Variants in DENND4A observed in about 807,000 individuals in gnomAD.
The protein encoded by DENND4A is DENN domain containing 4A, also known as C-myc promoter-binding protein.
DENND4A carries 70 observed loss-of-function variants against 199.3 expected under a neutral mutation model. That is an observed-to-expected ratio of 0.35 (90% CI 0.29 to 0.43). The LOEUF (loss-of-function observed/expected upper bound fraction) is 0.43, where lower values mean the gene tolerates loss of function less well. DENND4A is among the 20% of genes least tolerant of loss of function. DENND4A has a pLI of 1.00. For synonymous variants in DENND4A, 686 were observed against 766.9 expected, an observed-to-expected ratio of 0.89 and a Z score of 1.74; for missense variants, 1,723 against 2,255.8, an observed-to-expected ratio of 0.76 and a Z score of 4.78.
At chr15:65,685,493 T>C (rs2076744587) in intron 23 of DENND4A, among the ~76,000 whole-genome samples, 1 of 152,236 alleles carries the variant, frequency 6.6e-6, no homozygotes, top group African/African-American at 2.4e-5. Flanking sequence ...TGTATATAAG[T>C]TGAGTGTCTA....
chr15:65,661,818 T>TTCAGTGTATAA lies in DENND4A; in HGVS notation c.*32_*33insTTATACACTGA. 1 of 1,560,536 alleles carries TTCAGTGTATAA rather than the reference T, an allele frequency of 6.4e-7. No homozygotes were observed. The highest frequency in any genetic ancestry group is 8.7e-7 in the Non-Finnish European group (1 of 1,147,198). On this transcript the variant is annotated 3_prime_UTR_variant, in exon 33 of 33. Coordinates refer to ENST00000443035, the MANE Select transcript of DENND4A (RefSeq NM_001320835.1). ...GTTATTTTATACACTGACTATACAA[T>TTCAGTGTATAA]ATACATTGAATGTTTACACATACAA...
chr15:65,788,851 T>C (rs1306245045), intron 1 of DENND4A, among the ~76,000 whole-genome samples: 2 of 106,586 alleles, frequency 1.9e-5, no homozygotes, highest in Non-Finnish European at 3.6e-5. Flanking sequence ...CCAGGACTTG[T>C]CTTAAAAAAA....
Position 65,717,862 on chromosome 15 carries a change from T to C in DENND4A, c.1723A>G (p.Lys575Glu). Residue 575 changes from lysine to glutamate, a missense_variant, in exon 13 of 33, where the codon AAA becomes GAA. This residue lies in a region of DENND4A where 725 missense variants were observed against 952.9 expected (regional missense o/e 0.76). Coordinates refer to ENST00000443035, the MANE Select transcript of DENND4A (RefSeq NM_001320835.1). The part of the protein sequence containing the change: ...AFLFFMASIL[K>E]GYRSYLRPIT... ...GGCCTTAAGTATGATCTGTAACCTT[T>C]TAAAATAGAGGCCATGAAAAACAAA... 6.2e-7 allele frequency: 1 copy of C among 1,604,456 alleles called. No homozygotes were observed. The highest frequency in any genetic ancestry group is 8.5e-7 in the Non-Finnish European group (1 of 1,174,808).
At chr15:65,753,677 T>C (rs1248931381) in intron 3 of DENND4A, among the ~76,000 whole-genome samples, 3 of 152,086 alleles carry the variant, frequency 2.0e-5, no homozygotes, top group Admixed American at 6.6e-5. Flanking sequence ...AATATGTTTC[T>C]GCATTTGCTA....
chr15:65,716,306 A>C (rs1195116785), intron 13 of DENND4A, among the ~76,000 whole-genome samples: 1 of 151,014 alleles, frequency 6.6e-6, no homozygotes, highest in Non-Finnish European at 1.5e-5. Context: ...CAGGTTTGTT[A>C]CATATGTATA....
intron 23 of DENND4A, among the ~76,000 whole-genome samples, chr15:65,679,505 T>C (rs182500564): frequency 6.6e-5 from 10 of 152,250 alleles, no homozygotes; most frequent in Admixed American, 5.2e-4. Context: ...TTCTATTTCA[T>C]CTTTTTTTCA....
intron 23 of DENND4A, among the ~76,000 whole-genome samples, chr15:65,685,423 C>T (rs1344821043): frequency 6.6e-6 from 1 of 152,194 alleles, no homozygotes; most frequent in Non-Finnish European, 1.5e-5. Flanking sequence ...ACCGCCAGCC[C>T]ACAATTTTTA....
At position 65,731,083 on chromosome 15, in the gene DENND4A, C is replaced by A. The variant is rs187608690; in HGVS notation, c.1166+559G>T. Among the ~76,000 whole-genome samples the A allele has an allele frequency of 7.9e-5, 12 of 152,040 alleles. No individual in the cohort carries two copies. In the East Asian group the frequency reaches 1.9e-3, roughly 24 times the overall value. On this transcript the variant is annotated intron_variant, in intron 9 of 32. Transcript: ENST00000443035. ...TAATGTCAAAGATGGCAGCTAGTCT[C>A]CCTTAGGTATCTCCTATATAACTTA...
At chr15:65,709,719 A>AAAAAAAAATATATATAT (rs1218030026) in intron 14 of DENND4A, among the ~76,000 whole-genome samples, 8 of 51,468 alleles carry the variant, frequency 1.6e-4, no homozygotes, top group Admixed American at 5.1e-4. Flanking sequence ...AAAAAAAAAA[A>AAAAAAAAATATATATAT]ATATATATAT....
At chr15:65,781,773 T>G (rs1476369806) in intron 1 of DENND4A, among the ~76,000 whole-genome samples, 1 of 152,098 alleles carries the variant, frequency 6.6e-6, no homozygotes, top group African/African-American at 2.4e-5. Context: ...TGGGGAGTAA[T>G]GGGTAGATAC....
chr15:65,713,460 A>C (rs2075304394), intron 14 of DENND4A, among the ~76,000 whole-genome samples: 1 of 152,242 alleles, frequency 6.6e-6, no homozygotes, highest in Non-Finnish European at 1.5e-5. Flanking sequence ...AACTTGATTA[A>C]AACGGCATTT....
intron 1 of DENND4A, among the ~76,000 whole-genome samples, chr15:65,778,563 A>G (rs1378508664): frequency 7.2e-5 from 11 of 152,140 alleles, no homozygotes; most frequent in Non-Finnish European, 7.4e-5. Flanking sequence ...ATCACAATAA[A>G]GGAAGTCACA....
At chr15:65,724,664 T>G (rs1275811637) in intron 11 of DENND4A, among the ~76,000 whole-genome samples, 4 of 152,178 alleles carry the variant, frequency 2.6e-5, no homozygotes, top group Non-Finnish European at 4.4e-5. Flanking sequence ...CCCCTCTATC[T>G]TTCCACAAAT....
chr15:65,739,423 A>G (rs1311983152), intron 5 of DENND4A, among the ~76,000 whole-genome samples: 1 of 152,210 alleles, frequency 6.6e-6, no homozygotes, highest in Non-Finnish European at 1.5e-5. Flanking sequence ...TTATATGAAG[A>G]TAGAGTTTTA....
intron 15 of DENND4A, among the ~76,000 whole-genome samples, chr15:65,703,642 T>C (rs887244708): frequency 1.3e-5 from 2 of 152,150 alleles, no homozygotes; most frequent in Non-Finnish European, 2.9e-5. Context: ...CTAATAAGGG[T>C]GCGAGACCAA....
intron 7 of DENND4A, among the ~76,000 whole-genome samples, chr15:65,737,232 G>A (rs1182950402): frequency 6.6e-6 from 1 of 152,104 alleles, no homozygotes; most frequent in Non-Finnish European, 1.5e-5. Context: ...ACTAATTTCT[G>A]TAGTTTTGTA....
At chr15:65,777,649 G>C (rs1464415990) in intron 1 of DENND4A, among the ~76,000 whole-genome samples, 1 of 151,596 alleles carries the variant, frequency 6.6e-6, no homozygotes, top group Non-Finnish European at 1.5e-5. Context: ...CACTGCACCG[G>C]GCCACAAACA....
At chr15:65,737,217 G>A (rs1311278799) in intron 7 of DENND4A, among the ~76,000 whole-genome samples, 3 of 152,088 alleles carry the variant, frequency 2.0e-5, no homozygotes, top group African/African-American at 7.2e-5. Flanking sequence ...CATGGGCCAT[G>A]TCCAACTAAT....
At chr15:65,717,225 T>C (rs1019404444) in intron 13 of DENND4A, among the ~76,000 whole-genome samples, 4 of 152,202 alleles carry the variant, frequency 2.6e-5, no homozygotes, top group Non-Finnish European at 4.4e-5. Context: ...GTACTCAATA[T>C]ATACTTATTA....
Sources: allele counts gnomAD v4.1 joint callset (sites outside exome capture counted in the v4.1 genomes callset), GRCh38; gene constraint gnomAD v4.1.1; regional missense constraint gnomAD v4.1.1; transcripts MANE v1.5; gene names NCBI Gene and HGNC (gene_info 2026-07-23, HGNC 2026-07-21).